Variants in GALNT13 observed in about 807,000 individuals in gnomAD.
GALNT13 encodes UDP-GalNAc:polypeptide N-acetylgalactosaminyltransferase 13.
Under a neutral mutation model 64.2 loss-of-function variants are expected in GALNT13, and 28 were observed. That is an observed-to-expected ratio of 0.44 (90% CI 0.32 to 0.60). The LOEUF is 0.60. Ranked by LOEUF, GALNT13 falls within the 20% of genes least tolerant of loss-of-function variation. The pLI is 0.05. For missense variants in GALNT13, 577 were observed against 669.8 expected (o/e 0.86, Z 1.53); for synonymous variants, 214 against 224.6 (o/e 0.95, Z 0.42).
chr2:153,566,149 C>A, the GALNT13 span, among the ~76,000 whole-genome samples: 5 of 151,888 alleles, frequency 3.3e-5, no homozygotes, highest in African/African-American at 9.7e-5. Context: ...GATAATATTT[C>A]AAAACAGAAT....
At chr2:153,650,863 T>C in the GALNT13 span, among the ~76,000 whole-genome samples, 9 of 152,238 alleles carry the variant, frequency 5.9e-5, no homozygotes, top group Admixed American at 1.3e-4. Context: ...GTTTCGGAAG[T>C]ATAAGATTAA....
At chr2:153,242,560 T>C in the GALNT13 span, among the ~76,000 whole-genome samples, 1 of 152,184 alleles carries the variant, frequency 6.6e-6, no homozygotes, top group Admixed American at 6.5e-5. Context: ...TGGCTAGAAG[T>C]CTGGTAATAA....
chr2:153,830,432 T>G, the GALNT13 span, among the ~76,000 whole-genome samples: 3 of 152,146 alleles, frequency 2.0e-5, no homozygotes, highest in Admixed American at 1.3e-4. Flanking sequence ...ATATTGCTAT[T>G]TTGTCTACTG....
At chr2:153,069,573 C>T in the GALNT13 span, among the ~76,000 whole-genome samples, 1 of 151,966 alleles carries the variant, frequency 6.6e-6, no homozygotes, top group Non-Finnish European at 1.5e-5. Context: ...TTCTCTATGC[C>T]ACAGAGAAAA....
intron 3 of GALNT13, among the ~76,000 whole-genome samples, chr2:154,105,628 A>G (rs899113244): frequency 3.9e-5 from 6 of 152,268 alleles, no homozygotes; most frequent in South Asian, 2.1e-4. Context: ...ATGCATACTC[A>G]TTGTTAAGTG....
intron 1 of GALNT13, among the ~76,000 whole-genome samples, chr2:153,876,768 TTTAG>T (rs1176347262): frequency 3.3e-5 from 5 of 152,180 alleles, no homozygotes; most frequent in Admixed American, 6.5e-5. Flanking sequence ...TCAAGCTGTT[TTTAG>T]TATGTCTTTA....
At chr2:153,348,270 T>C in the GALNT13 span, among the ~76,000 whole-genome samples, 3 of 152,204 alleles carry the variant, frequency 2.0e-5, no homozygotes, top group African/African-American at 7.2e-5. Flanking sequence ...TGGAGTGACA[T>C]TTTAAAAGAA....
intron 8 of GALNT13, among the ~76,000 whole-genome samples, chr2:154,266,426 G>T (rs1691005555): frequency 6.6e-6 from 1 of 151,882 alleles, no homozygotes; most frequent in Admixed American, 6.6e-5. Flanking sequence ...CAAGGTTGTA[G>T]AATATAAGAA....
chr2:154,267,375 C>T (rs975595457), intron 8 of GALNT13, among the ~76,000 whole-genome samples: 6 of 152,024 alleles, frequency 3.9e-5, no homozygotes, highest in African/African-American at 1.5e-4. Context: ...CATGGTGGCT[C>T]ACGCCTGTAA....
chr2:153,312,920 A>G, the GALNT13 span, among the ~76,000 whole-genome samples: 7,785 of 152,264 alleles, frequency 0.051, 653 homozygotes, highest in African/African-American at 0.18. Flanking sequence ...ATTTAGACTA[A>G]TATTACCAGC....
At chr2:153,471,085 T>C in the GALNT13 span, among the ~76,000 whole-genome samples, 1 of 152,216 alleles carries the variant, frequency 6.6e-6, no homozygotes, top group African/African-American at 2.4e-5. Flanking sequence ...GTTTGAGTAT[T>C]TCAGGCCCCA....
At chr2:154,446,459 G>A in intron 12 of GALNT13, 1 of 1,170,012 alleles carries the variant, frequency 8.5e-7, no homozygotes, top group Non-Finnish European at 1.1e-6. Flanking sequence ...ATTGTGACAT[G>A]TGCCTTCCAT....
chr2:153,737,172 A>G, the GALNT13 span, among the ~76,000 whole-genome samples: 2 of 152,212 alleles, frequency 1.3e-5, no homozygotes, highest in East Asian at 3.9e-4. Flanking sequence ...AGAAAGGAGC[A>G]CAGACAGGCA....
At chr2:153,377,958 C>T in the GALNT13 span, among the ~76,000 whole-genome samples, 1 of 152,054 alleles carries the variant, frequency 6.6e-6, no homozygotes, top group African/African-American at 2.4e-5. Context: ...TGTATTCTTT[C>T]AGCAAAGGGT....
At chr2:153,135,459 G>C in the GALNT13 span, among the ~76,000 whole-genome samples, 6 of 152,156 alleles carry the variant, frequency 3.9e-5, no homozygotes, top group Admixed American at 3.9e-4. Flanking sequence ...GTTTTGTTGA[G>C]CTGAGTTTGA....
intron 8 of GALNT13, among the ~76,000 whole-genome samples, chr2:154,298,236 A>G (rs1693046029): frequency 6.6e-6 from 1 of 151,540 alleles, no homozygotes; most frequent in African/African-American, 2.4e-5. Flanking sequence ...AAATGCATCA[A>G]GGGATATTTG....
rs577023661 is a variant in GALNT13 at position 154,108,500 on chromosome 2, T to C, written c.143-31837T>C. ...CTTACATATTTTAGATATTAAATCCTTCTCAGATGTGTGCCTTGCACAAAT... is the reference window on the plus strand; with the variant it reads ...CTTACATATTTTAGATATTAAATCCCTCTCAGATGTGTGCCTTGCACAAAT... On this transcript the variant is annotated intron_variant, in intron 3 of 12. Transcript: ENST00000392825. Among the ~76,000 whole-genome samples the C allele has an allele frequency of 9.2e-5, 14 of 152,274 alleles. No individual in the cohort carries two copies. In the South Asian group the frequency reaches 2.9e-3, roughly 32 times the overall value.
the GALNT13 span, among the ~76,000 whole-genome samples, chr2:153,419,477 T>G: frequency 6.6e-6 from 1 of 152,146 alleles, no homozygotes; most frequent in South Asian, 2.1e-4. Flanking sequence ...TTATTTAACA[T>G]TCAAAAAATG....
chr2:153,418,735 G>C, the GALNT13 span, among the ~76,000 whole-genome samples: 1 of 152,142 alleles, frequency 6.6e-6, no homozygotes, highest in Non-Finnish European at 1.5e-5. Flanking sequence ...GTGCATGCCT[G>C]TAGTCCCAGC....
Sources: gnomAD v4.1 joint callset for allele counts (sites outside exome capture counted in the v4.1 genomes callset) on GRCh38, gnomAD v4.1.1 for gene constraint, MANE v1.5 for transcripts, NCBI Gene and HGNC (gene_info 2026-07-23, HGNC 2026-07-21) for gene names.